Variants in ROBO1 observed in about 807,000 individuals in gnomAD.
ROBO1 encodes roundabout guidance receptor 1.
Under a neutral mutation model 195.9 loss-of-function variants are expected in ROBO1, and 149 were observed. The observed-to-expected ratio is 0.76, with a 90% CI of 0.67 to 0.87. ROBO1 has a LOEUF of 0.87. ROBO1 is among the 40% of genes least tolerant of loss of function. ROBO1 has a pLI of 0.00. For synonymous variants in ROBO1, 816 were observed against 733.2 expected, an observed-to-expected ratio of 1.11 and a Z score of -1.82; for missense variants, 1,933 against 2,068.3, an observed-to-expected ratio of 0.93 and a Z score of 1.27.
intron 4 of ROBO1, among the ~76,000 whole-genome samples, chr3:78,806,499 T>C (rs934526234): frequency 6.6e-6 from 1 of 152,138 alleles, no homozygotes; most frequent in Admixed American, 6.5e-5. Flanking sequence ...CTTAATAGTA[T>C]GTTTGGAAAA....
intron 2 of ROBO1, among the ~76,000 whole-genome samples, chr3:79,562,611 G>A (rs2107715179): frequency 6.6e-6 from 1 of 152,098 alleles, no homozygotes; most frequent in African/African-American, 2.4e-5. Context: ...GCTGAGGGAT[G>A]AATATATTCA....
intron 8 of ROBO1, among the ~76,000 whole-genome samples, chr3:78,698,000 T>C (rs1170172091): frequency 6.6e-6 from 1 of 152,184 alleles, no homozygotes; most frequent in African/African-American, 2.4e-5. Context: ...AAGTTTTCAC[T>C]GCTAGTAGCT....
Position 79,449,856 on chromosome 3 carries a change from TA to T in ROBO1, c.88+139967del, listed in dbSNP as rs1316093963. Among the ~76,000 whole-genome samples, 4 of 152,170 alleles carry T rather than the reference TA, an allele frequency of 2.6e-5. No individual in the cohort carries two copies. In the East Asian group the frequency reaches 5.8e-4, roughly 22 times the overall value. On this transcript the variant is annotated intron_variant, in intron 2 of 30. Transcript: ENST00000464233. The stretch of plus-strand genomic sequence containing the variant: ...GTGATGGCCATAGTGTGTCAGGTAC[TA>T]AACACTCATGTCATCTTCACAACAA...
At chr3:79,257,753 T>A (rs779246422) in intron 2 of ROBO1, among the ~76,000 whole-genome samples, 1 of 152,100 alleles carries the variant, frequency 6.6e-6, no homozygotes. Context: ...AAAATGATGT[T>A]AGAATAGTGG....
At chr3:79,093,584 C>A (rs2079516227) in intron 3 of ROBO1, among the ~76,000 whole-genome samples, 1 of 151,724 alleles carries the variant, frequency 6.6e-6, no homozygotes, top group South Asian at 2.1e-4. Flanking sequence ...TATTGCTTAC[C>A]CTCAGGACAG....
intron 5 of ROBO1, among the ~76,000 whole-genome samples, chr3:78,740,487 T>C (rs1047518323): frequency 6.7e-6 from 1 of 148,254 alleles, no homozygotes; most frequent in Non-Finnish European, 1.5e-5. Flanking sequence ...TCTTTTTTTT[T>C]TGAAACAGGG....
At chr3:79,339,669 A>AT (rs987596227) in intron 2 of ROBO1, among the ~76,000 whole-genome samples, 13 of 152,046 alleles carry the variant, frequency 8.6e-5, no homozygotes, top group Non-Finnish European at 1.6e-4. Flanking sequence ...ATATAAGGTG[A>AT]TTTTTTAGTT....
chr3:79,166,726 T>C (rs897040574), intron 2 of ROBO1, among the ~76,000 whole-genome samples: 1 of 151,584 alleles, frequency 6.6e-6, no homozygotes, highest in Non-Finnish European at 1.5e-5. Context: ...CCACCACGCC[T>C]GGCTAATTTT....
At chr3:78,761,613 T>C (rs989914491) in intron 4 of ROBO1, among the ~76,000 whole-genome samples, 3 of 152,170 alleles carry the variant, frequency 2.0e-5, no homozygotes, top group African/African-American at 7.2e-5. Flanking sequence ...CTCTTTTGAC[T>C]TACATGTACT....
chr3:78,808,886 T>C (rs749088864), intron 4 of ROBO1, among the ~76,000 whole-genome samples: 2 of 152,002 alleles, frequency 1.3e-5, no homozygotes, highest in Non-Finnish European at 2.9e-5. Context: ...GCTAAAACCA[T>C]AAAAACACTA....
chr3:78,750,224 C>A (rs1285609344), intron 4 of ROBO1, among the ~76,000 whole-genome samples: 1 of 151,942 alleles, frequency 6.6e-6, no homozygotes, highest in Non-Finnish European at 1.5e-5. Flanking sequence ...GGGAGGCCAG[C>A]AGGCAGATCA....
intron 2 of ROBO1, among the ~76,000 whole-genome samples, chr3:79,209,952 C>T (rs1324063643): frequency 4.6e-5 from 7 of 151,976 alleles, no homozygotes; most frequent in African/African-American, 1.4e-4. Context: ...AGCTGCAAAA[C>T]AAAAACAAAT....
chr3:79,052,174 C>A (rs571187484), intron 3 of ROBO1, among the ~76,000 whole-genome samples: 1 of 151,976 alleles, frequency 6.6e-6, no homozygotes. Flanking sequence ...CAAGTAATAG[C>A]CCTGGGAAAG....
chr3:79,461,358 C>T (rs1168158103), intron 2 of ROBO1, among the ~76,000 whole-genome samples: 2 of 151,980 alleles, frequency 1.3e-5, no homozygotes, highest in Non-Finnish European at 2.9e-5. Flanking sequence ...CCATCTTGGC[C>T]TTTTGCATCT....
At chr3:78,942,326 A>C (rs1331808123) in intron 3 of ROBO1, among the ~76,000 whole-genome samples, 3 of 152,096 alleles carry the variant, frequency 2.0e-5, no homozygotes, top group South Asian at 2.1e-4. Flanking sequence ...GAAACCTGAG[A>C]GCCAGAACTT....
At chr3:78,856,085 T>C (rs1219476728) in intron 4 of ROBO1, among the ~76,000 whole-genome samples, 1 of 151,458 alleles carries the variant, frequency 6.6e-6, no homozygotes, top group East Asian at 1.9e-4. Context: ...GAGTAACAAA[T>C]TACATTCTAA....
intron 2 of ROBO1, among the ~76,000 whole-genome samples, chr3:79,438,008 G>T (rs2038940940): frequency 1.3e-5 from 2 of 151,614 alleles, no homozygotes; most frequent in African/African-American, 4.8e-5. Flanking sequence ...AATCTTCTTG[G>T]TTTTTTTCTT....
intron 22 of ROBO1, among the ~76,000 whole-genome samples, chr3:78,637,976 T>G (rs1377887774): frequency 4.7e-5 from 6 of 128,256 alleles, no homozygotes; most frequent in East Asian, 4.3e-4. Flanking sequence ...CAATATTGGG[T>G]TTTTTTTTGG....
At chr3:79,697,938 T>A (rs1164364284) in intron 1 of ROBO1, among the ~76,000 whole-genome samples, 1 of 151,464 alleles carries the variant, frequency 6.6e-6, no homozygotes, top group African/African-American at 2.4e-5. Flanking sequence ...ATCACTATCT[T>A]AAAAAATCTA....
Sources: gnomAD v4.1 joint callset for allele counts (sites outside exome capture counted in the v4.1 genomes callset) on GRCh38, gnomAD v4.1.1 for gene constraint, MANE v1.5 for transcripts, NCBI Gene and HGNC (gene_info 2026-07-23, HGNC 2026-07-21) for gene names.